Variants in YME1L1 observed in about 807,000 individuals in gnomAD.
YME1L1 encodes the protein ATP-dependent zinc metalloprotease YME1L1.
Under a neutral mutation model 90.4 loss-of-function variants are expected in YME1L1, and 39 were observed. The observed-to-expected ratio is 0.43, with a 90% CI of 0.33 to 0.56. The LOEUF is 0.56. YME1L1 is among the 20% of genes least tolerant of loss of function. YME1L1 has a pLI of 0.03. For synonymous variants in YME1L1, 284 were observed against 287.3 expected (o/e 0.99, Z 0.12); for missense variants, 617 against 868.4 (o/e 0.71, Z 3.64).
intron 8 of YME1L1, among the ~76,000 whole-genome samples, chr10:27,127,877 C>A (rs955384806): frequency 1.3e-5 from 2 of 152,032 alleles, no homozygotes; most frequent in African/African-American, 2.4e-5. Flanking sequence ...AAAGACTTGG[C>A]TGGTTTATTA....
In YME1L1 at chr10:27,154,289, G is replaced by T. The variant is rs1365833014; in HGVS notation, c.-79C>A. Reference sequence around the variant, plus strand: ...CCACGGCCCGGCGGGGAGGCGCTGAGCCCTTCTTTTTTCCTTTTTCTCCGA... The same window carrying T: ...CCACGGCCCGGCGGGGAGGCGCTGATCCCTTCTTTTTTCCTTTTTCTCCGA... On this transcript the variant is annotated 5_prime_UTR_variant, in exon 1 of 19. Transcript: ENST00000376016. The T allele has an allele frequency of 6.6e-7, 1 of 1,510,976 alleles. No individual in the cohort carries two copies. The highest frequency in any genetic ancestry group is 8.9e-7 in the Non-Finnish European group (1 of 1,121,336). 93.6% of individuals were successfully genotyped at this position (1,510,976 alleles called of 1,614,324 possible). A position where few individuals can be genotyped will look rare whatever the true frequency, so the allele number is the denominator to read the frequency against.
At chr10:27,148,373 T>C (rs976499799) in intron 2 of YME1L1, among the ~76,000 whole-genome samples, 1 of 152,100 alleles carries the variant, frequency 6.6e-6, no homozygotes, top group African/African-American at 2.4e-5. Context: ...CGGCTAATTT[T>C]TGTATTTCTA....
At chr10:27,150,879 CCTT>C (rs2057205196) in intron 1 of YME1L1, among the ~76,000 whole-genome samples, 1 of 150,872 alleles carries the variant, frequency 6.6e-6, no homozygotes, top group African/African-American at 2.4e-5. Context: ...TACTCCTTTA[CCTT>C]CTTAATAAAC....
chr10:27,134,515 C>T (rs189302715), intron 6 of YME1L1, among the ~76,000 whole-genome samples: 21 of 152,316 alleles, frequency 1.4e-4, no homozygotes, highest in African/African-American at 5.1e-4. Context: ...GTTAAGGCTA[C>T]AATGAGCCAT....
intron 8 of YME1L1, among the ~76,000 whole-genome samples, chr10:27,127,626 G>A (rs1452851605): frequency 2.6e-5 from 4 of 152,094 alleles, no homozygotes; most frequent in African/African-American, 4.8e-5. Flanking sequence ...ATACAAAAGA[G>A]GATATTCTAT....
At chr10:27,141,261 T>C (rs2057083942) in intron 4 of YME1L1, among the ~76,000 whole-genome samples, 1 of 152,044 alleles carries the variant, frequency 6.6e-6, no homozygotes, top group South Asian at 2.1e-4. Flanking sequence ...CTGGGCCTGG[T>C]GGTGGGAACC....
intron 1 of YME1L1, among the ~76,000 whole-genome samples, chr10:27,152,397 A>G (rs1043075114): frequency 1.3e-5 from 2 of 152,206 alleles, no homozygotes; most frequent in Non-Finnish European, 2.9e-5. Flanking sequence ...ATGTGTTACC[A>G]TCCTTCAAAG....
intron 7 of YME1L1, among the ~76,000 whole-genome samples, chr10:27,133,757 A>G (rs1030489986): frequency 1.3e-5 from 2 of 152,186 alleles, no homozygotes; most frequent in African/African-American, 4.8e-5. Context: ...ATAGAAGACT[A>G]TTTCAGCTTG....
chr10:27,121,466 T>A lies in YME1L1; in HGVS notation c.1236-18A>T, dbSNP rs778144808. The A allele has an allele frequency of 6.6e-7, 1 of 1,512,306 alleles. No homozygotes were observed. Among genetic ancestry groups the A allele is most frequent in the Admixed American group, 1.7e-5 (1 of 59,686 alleles). 93.7% of individuals were successfully genotyped at this position (1,512,306 alleles called of 1,614,324 possible). A position where few individuals can be genotyped will look rare whatever the true frequency, so the allele number is the denominator to read the frequency against. On this transcript the variant is annotated intron_variant, in intron 11 of 18. Coordinates refer to ENST00000376016, the MANE Select transcript of YME1L1 (RefSeq NM_014263.4). ...GTTTAAAACTATATTGGAAAAAAAATAGTATCTTTTACTAACACTGAAGCA... is the reference window on the plus strand; with the variant it reads ...GTTTAAAACTATATTGGAAAAAAAAAAGTATCTTTTACTAACACTGAAGCA...
rs2056759300 is a variant in YME1L1 at position 27,111,581 on chromosome 10, G to T, written c.*396C>A. On this transcript the variant is annotated 3_prime_UTR_variant, in exon 19 of 19. Coordinates refer to ENST00000376016, the MANE Select transcript of YME1L1 (RefSeq NM_014263.4). ...TAGATTAAAAAATATTTTATTCATG[G>T]TCAATCTGGAACATAATTACTGCAT... 3 of 235,258 alleles carry T rather than the reference G, an allele frequency of 1.3e-5. No homozygotes were observed. Among genetic ancestry groups the T allele is most frequent in the Non-Finnish European group, 2.6e-5 (3 of 117,094 alleles). The allele number at this position is 235,258 out of a possible 1,614,324, so 14.6% of individuals were successfully genotyped here.
chr10:27,119,575 G>C (rs924188202), intron 13 of YME1L1, 126 bp from the exon 14 acceptor site: 21 of 1,002,812 alleles, frequency 2.1e-5, no homozygotes, highest in Non-Finnish European at 2.8e-5. Flanking sequence ...TTGGGAGGCT[G>C]GGGCAGGCAG....
intron 14 of YME1L1, 91 bp downstream of exon 14, chr10:27,119,203 G>A: frequency 8.1e-7 from 1 of 1,240,962 alleles, no homozygotes. Flanking sequence ...CATAGCCATG[G>A]CTTTAGCTGT....
At chr10:27,142,940 A>G (rs73598032) in intron 3 of YME1L1, among the ~76,000 whole-genome samples, 7,900 of 151,676 alleles carry the variant, frequency 0.052, 212 homozygotes, top group African/African-American at 0.069. Context: ...TGTGGTCTTG[A>G]TCTCCTGACC....
intron 2 of YME1L1, chr10:27,145,869 TTA>T: frequency 4.8e-6 from 1 of 210,196 alleles, no homozygotes; most frequent in African/African-American, 2.3e-5. Flanking sequence ...TTTTTTTTTT[TTA>T]AATCAAACCC....
Position 27,119,298 on chromosome 10 carries a change from T to C in YME1L1, c.1563A>G (p.Leu521=), listed in dbSNP as rs757402378. Residue 521 remains leucine (L), a synonymous_variant, in exon 14 of 19, where the codon CTA becomes CTG. Transcript: ENST00000376016. ...AAAAAAAGAAAGGAAACCTACCCAT[T>C]AGAATTTTGTCTTTGGAAAACTCCA... is the stretch of plus-strand genomic sequence containing the variant. ...KELEFSKDKI[L]MGPERRSVEI... 4.4e-6 allele frequency: 7 copies of C among 1,595,228 alleles called. No homozygotes were observed. In the African/African-American group the frequency reaches 9.6e-5, roughly 22 times the overall value.
Position 27,136,285 on chromosome 10 carries a change from T to C in YME1L1, c.531A>G (p.Ser177=). ...AAAAAGGTCTAATTACCTTCACGAA[T>C]GATGGCGCTATATTCTGTGTTTCAG... ...RLAETQNIAP[S]FVKGFLLRDR... is the part of the protein sequence containing the mutation. Residue 177 remains serine (S), a synonymous_variant, in exon 5 of 19, where the codon TCA becomes TCG. Transcript: ENST00000376016. 1 of 1,611,386 alleles carries C rather than the reference T, an allele frequency of 6.2e-7. No homozygotes were observed. The highest frequency in any genetic ancestry group is 8.5e-7 in the Non-Finnish European group (1 of 1,179,236).
intron 17 of YME1L1, among the ~76,000 whole-genome samples, chr10:27,115,590 C>T (rs1157298461): frequency 1.3e-5 from 2 of 152,116 alleles, no homozygotes; most frequent in Non-Finnish European, 1.5e-5. Flanking sequence ...GCTGGGATTA[C>T]AGATGTGAGC....
rs955084872 is a variant in YME1L1 at position 27,121,439 on chromosome 10, G to A, written c.1245C>T (p.Pro415=). 4 of 1,599,420 alleles carry A rather than the reference G, an allele frequency of 2.5e-6. No homozygotes were observed. In the African/African-American group the frequency reaches 5.4e-5, roughly 21 times the overall value. Reference sequence around the variant, plus strand: ...CTCCTATTATGATAACTCCTTCATTGGGTTTAAAACTATATTGGAAAAAAA... The same window carrying A: ...CTCCTATTATGATAACTCCTTCATTAGGTTTAAAACTATATTGGAAAAAAA... The part of the protein sequence containing the change: ...QLLAEMDGFK[P]NEGVIIIGAT... The change falls in exon 12 of 19, where the codon CCC becomes CCT. Residue 415 remains proline (P), a synonymous_variant. Coordinates refer to ENST00000376016, the MANE Select transcript of YME1L1 (RefSeq NM_014263.4).
chr10:27,130,886 A>G (rs1159594128), intron 8 of YME1L1, among the ~76,000 whole-genome samples: 1 of 152,208 alleles, frequency 6.6e-6, no homozygotes, highest in African/African-American at 2.4e-5. Context: ...GTAAATGTCA[A>G]TTCTATCCTT....
Sources: gnomAD v4.1 joint callset for allele counts (sites outside exome capture counted in the v4.1 genomes callset) on GRCh38, gnomAD v4.1.1 for gene constraint, MANE v1.5 for transcripts, NCBI Gene and HGNC (gene_info 2026-07-23, HGNC 2026-07-21) for gene names.